BHLHE41: variants seen among roughly 807,000 people sequenced by gnomAD.
The protein encoded by BHLHE41 is basic helix-loop-helix family member e41.
A neutral mutation model predicts 24.0 loss-of-function variants in BHLHE41; 14 were observed. The ratio of observed to expected loss-of-function variants is 0.58; its 90% CI spans 0.39 to 0.91. The LOEUF (loss-of-function observed/expected upper bound fraction) is 0.91. BHLHE41 is among the 40% of genes least tolerant of loss of function. The probability of loss-of-function intolerance (pLI) is 0.00; values close to 1 mark genes in which losing one functional copy is unlikely to be tolerated. For synonymous variants in BHLHE41, 394 were observed against 315.5 expected, an observed-to-expected ratio of 1.25 and a Z score of -2.64; for missense variants, 674 against 655.4, an observed-to-expected ratio of 1.03 and a Z score of -0.31.
Position 26,124,163 on chromosome 12 carries a change from G to A in BHLHE41, c.143C>T (p.Pro48Leu). ...RDDTKDTYKL[P>L]HRLIEKKRRD... ...TCTTTTCTTTTCTATTAATCTGTGCGGTAATTTGTAGGTATCCTTAATATA... is the reference window on the plus strand; with the variant it reads ...TCTTTTCTTTTCTATTAATCTGTGCAGTAATTTGTAGGTATCCTTAATATA... The change falls in exon 3 of 5, where the codon CCG becomes CTG. Residue 48 changes from proline (P) to leucine (L), a missense_variant. By Grantham distance (98) the Pro-to-Leu change is moderately conservative. Coordinates refer to ENST00000242728, the MANE Select transcript of BHLHE41 (RefSeq NM_030762.3). The A allele has an allele frequency of 6.2e-7, 1 of 1,606,266 alleles. No individual in the cohort carries two copies. The highest frequency in any genetic ancestry group is 1.1e-5 in the South Asian group (1 of 90,886).
At position 26,122,314 on chromosome 12, in the gene BHLHE41, C is replaced by T. The variant is rs945140649; in HGVS notation, c.1201G>A (p.Ala401Thr). 2 of 1,165,144 alleles carry T rather than the reference C, an allele frequency of 1.7e-6. No homozygotes were observed. Among genetic ancestry groups the T allele is most frequent in the African/African-American group, 1.7e-5 (1 of 60,462 alleles). 72.2% of individuals were successfully genotyped at this position (1,165,144 alleles called of 1,614,324 possible). A position where few individuals can be genotyped will look rare whatever the true frequency, so the allele number is the denominator to read the frequency against. The change falls in exon 5 of 5, where the codon GCC becomes ACC. Residue 401 changes from alanine (A) to threonine (T), a missense_variant. Around this residue, in one of 3 missense-constraint regions of BHLHE41, gnomAD observed 602 missense variants for 570.8 expected, o/e 1.05. Coordinates refer to ENST00000242728, the MANE Select transcript of BHLHE41 (RefSeq NM_030762.3). ...GCGGCGGCGGCAGCGGCGGCGGCGG[C>T]TGCCGCGGCTGCCGCCGGGGCGGGG... ...GIPAPAAAAA[A>T]AAAAAAAAAA...
chr12:26,121,808 G>A lies in BHLHE41; in HGVS notation c.*258C>T. Reference sequence around the variant, plus strand: ...AAAAGAGCCAGTGTCTTTCGCATAGGATCTTTTACAGCTGGTGGGGGGAAG... The same window carrying A: ...AAAAGAGCCAGTGTCTTTCGCATAGAATCTTTTACAGCTGGTGGGGGGAAG... On this transcript the variant is annotated 3_prime_UTR_variant, in exon 5 of 5. Coordinates refer to ENST00000242728, the MANE Select transcript of BHLHE41 (RefSeq NM_030762.3). 8.7e-6 allele frequency: 7 copies of A among 803,946 alleles called. No homozygotes were observed. Among genetic ancestry groups the A allele is most frequent in the Non-Finnish European group, 8.9e-6 (5 of 562,800 alleles). 49.8% of individuals were successfully genotyped at this position (803,946 alleles called of 1,614,324 possible).
chr12:26,121,749 TAAA>T lies in BHLHE41; in HGVS notation c.*314_*316del, dbSNP rs1284022139. 1 of 401,936 alleles carries T rather than the reference TAAA, an allele frequency of 2.5e-6. No homozygotes were observed. Among genetic ancestry groups the T allele is most frequent in the East Asian group, 6.7e-5 (1 of 14,884 alleles). The allele number at this position is 401,936 out of a possible 1,614,324, so 24.9% of individuals were successfully genotyped here. A position where few individuals can be genotyped will look rare whatever the true frequency, so the allele number is the denominator to read the frequency against. On this transcript the variant is annotated 3_prime_UTR_variant, in exon 5 of 5. Coordinates refer to ENST00000242728, the MANE Select transcript of BHLHE41 (RefSeq NM_030762.3). ...TTTTAAGAGATAATGGAACATGGCC[TAAA>T]AGGGGGCAAAATTTATTTGGGGGAT...
In BHLHE41 at chr12:26,124,963, C is replaced by G; in HGVS notation, c.-184G>C. 3 of 636,696 alleles carry G rather than the reference C, an allele frequency of 4.7e-6. No individual in the cohort carries two copies. The highest frequency in any genetic ancestry group is 8.6e-6 in the Non-Finnish European group (3 of 350,088). 39.4% of individuals were successfully genotyped at this position (636,696 alleles called of 1,614,324 possible). On this transcript the variant is annotated 5_prime_UTR_variant, in exon 1 of 5. Coordinates refer to ENST00000242728, the MANE Select transcript of BHLHE41 (RefSeq NM_030762.3). ...CCCCCCCCTCCACCGCGCTCGCACA[C>G]ACACACGCACACACACGCACACTCG...
chr12:26,122,477 G>A lies in BHLHE41; in HGVS notation c.1038C>T (p.Pro346=). The A allele has an allele frequency of 7.5e-7, 1 of 1,340,874 alleles. No individual in the cohort carries two copies. Among genetic ancestry groups the A allele is most frequent in the Non-Finnish European group, 9.6e-7 (1 of 1,037,002 alleles). The allele number at this position is 1,340,874 out of a possible 1,614,324, so 83.1% of individuals were successfully genotyped here. ...PFPQPAAAAA[P]FCLPFCFLSP... The stretch of plus-strand genomic sequence containing the variant: ...AGAGGAAGCAGAAGGGCAGGCAGAA[G>A]GGGGCCGCGGCGGCCGCGGGCTGCG... The change falls in exon 5 of 5, where the codon CCC becomes CCT. Residue 346 remains proline (P), a synonymous_variant. Coordinates refer to ENST00000242728, the MANE Select transcript of BHLHE41 (RefSeq NM_030762.3).
Position 26,122,756 on chromosome 12 carries a change from C to A in BHLHE41, c.759G>T (p.Glu253Asp). The stretch of plus-strand genomic sequence containing the variant: ...GGCTCGCCCCCGCGCCTTTGCCTTT[C>A]TCGCGGTCCGGCCGGGCCTCGGCTT... Reference protein sequence around the residue: ...GGEAEARPDREKGKGAGASRV... With the variant: ...GGEAEARPDRDKGKGAGASRV... Residue 253 changes from glutamate (E) to aspartate (D), a missense_variant, in exon 5 of 5, where the codon GAG becomes GAT. Glu to Asp is a conservative substitution (Grantham distance 45). Transcript: ENST00000242728. 3 of 1,596,532 alleles carry A rather than the reference C, an allele frequency of 1.9e-6. No individual in the cohort carries two copies. The highest frequency in any genetic ancestry group is 2.5e-6 in the Non-Finnish European group (3 of 1,176,480).
Position 26,121,906 on chromosome 12 carries a change from C to A in BHLHE41, c.*160G>T. ...ACAGGAACTCCGAATGTACACATAA[C>A]ACCTGTTTTGTTGTTCTTGTTTATG... On this transcript the variant is annotated 3_prime_UTR_variant, in exon 5 of 5. Coordinates refer to ENST00000242728, the MANE Select transcript of BHLHE41 (RefSeq NM_030762.3). The A allele has an allele frequency of 6.6e-7, 1 of 1,519,354 alleles. No homozygotes were observed. Among genetic ancestry groups the A allele is most frequent in the Non-Finnish European group, 8.8e-7 (1 of 1,133,156 alleles). The allele number at this position is 1,519,354 out of a possible 1,614,324, so 94.1% of individuals were successfully genotyped here.
chr12:26,124,388 G>T, intron 2 of BHLHE41, 131 bp downstream of exon 2: 1 of 1,032,630 alleles, frequency 9.7e-7, no homozygotes, highest in Non-Finnish European at 1.5e-6. Context: ...TACCCAGCAA[G>T]CCACTTAAAA....
chr12:26,123,257 G>T, intron 4 of BHLHE41, 89 bp from the exon 5 acceptor site: 2 of 1,441,434 alleles, frequency 1.4e-6, no homozygotes, highest in Non-Finnish European at 9.2e-7. Context: ...TATCACGTGG[G>T]CCCTGCATCG....
chr12:26,122,271 A>G lies in BHLHE41; in HGVS notation c.1244T>C (p.Leu415Pro). The G allele has an allele frequency of 8.2e-7, 1 of 1,212,254 alleles. No individual in the cohort carries two copies. Among genetic ancestry groups the G allele is most frequent in the East Asian group, 3.4e-5 (1 of 29,374 alleles). 75.1% of individuals were successfully genotyped at this position (1,212,254 alleles called of 1,614,324 possible). A position where few individuals can be genotyped will look rare whatever the true frequency, so the allele number is the denominator to read the frequency against. ...AAAAAAAFPC[L>P]SSVLSPPPEK... ...GGGAGGGGGCGACAACACCGAGGACAGGCAGGGGAACGCGGCGGCGGCGGC... is the reference window on the plus strand; with the variant it reads ...GGGAGGGGGCGACAACACCGAGGACGGGCAGGGGAACGCGGCGGCGGCGGC... The change falls in exon 5 of 5, where the codon CTG (leucine) becomes CCG (proline). Residue 415 changes from leucine (L) to proline (P), a missense_variant. Around this residue, in one of 3 missense-constraint regions of BHLHE41, gnomAD observed 602 missense variants for 570.8 expected, o/e 1.05. Transcript: ENST00000242728.
intron 3 of BHLHE41, 136 bp downstream of exon 3, chr12:26,123,936 G>A (rs996068612): frequency 2.6e-6 from 2 of 769,062 alleles, no homozygotes; most frequent in African/African-American, 3.5e-5. Flanking sequence ...TCCAGTTTGC[G>A]GGAAACTCTG....
rs1198850402 is a variant in BHLHE41, at chr12:26,123,186, TG to T, written c.347-19del. 1.3e-6 allele frequency: 2 copies of T among 1,564,596 alleles called. No individual in the cohort carries two copies. Among genetic ancestry groups the T allele is most frequent in the Admixed American group, 1.8e-5 (1 of 55,852 alleles). On this transcript the variant is annotated intron_variant, in intron 4 of 4. Coordinates refer to ENST00000242728, the MANE Select transcript of BHLHE41 (RefSeq NM_030762.3). ...TCGCTCCCCTAGGATGAGGAAGGGA[TG>T]GGGGTGGGGGACGGAGGAGTGGAGG...
Position 26,124,511 on chromosome 12 carries a change from A to C in BHLHE41, c.126+8T>G. The C allele has an allele frequency of 2.5e-6, 4 of 1,613,662 alleles. No homozygotes were observed. The South Asian group carries it at 4.4e-5, about 18-fold the overall frequency. ...AGGTTATGAGGAATATCGGGAACTT[A>C]CACTTACCTTGGTGTCGTCTCGTTT... On this transcript the variant is annotated splice_region_variant and intron_variant, in intron 2 of 4. Coordinates refer to ENST00000242728, the MANE Select transcript of BHLHE41 (RefSeq NM_030762.3).
rs1306954687 is a variant in BHLHE41, at chr12:26,122,921, G to A, written c.594C>T (p.Ser198=). The A allele has an allele frequency of 6.5e-7, 1 of 1,550,042 alleles. No homozygotes were observed. Among genetic ancestry groups the A allele is most frequent in the South Asian group, 1.2e-5 (1 of 83,964 alleles). ...KGTGAPSAAG[S]AAAPCLERAG... is the part of the protein sequence containing the mutation. The stretch of plus-strand genomic sequence containing the variant: ...CGCGCTCCAGGCAGGGGGCGGCCGC[G>A]GACCCGGCGGCCGAGGGAGCGCCGG... Residue 198 remains serine, a synonymous_variant, in exon 5 of 5, where the codon TCC becomes TCT. Transcript: ENST00000242728.
chr12:26,123,043 G>A lies in BHLHE41; in HGVS notation c.472C>T (p.Arg158Trp), dbSNP rs781258261. 6.3e-7 allele frequency: 1 copy of A among 1,577,996 alleles called. No homozygotes were observed. Among genetic ancestry groups the A allele is most frequent in the East Asian group, 2.3e-5 (1 of 43,040 alleles). Reference sequence around the variant, plus strand: ...AAGTGGTTGATCAGCTGGACACACCGCGGCTCCCTGGGTGTCCAGCTCTCA... The same window carrying A: ...AAGTGGTTGATCAGCTGGACACACCACGGCTCCCTGGGTGTCCAGCTCTCA... ...RFESWTPREP[R>W]CVQLINHLHA... Residue 158 changes from arginine (R) to tryptophan (W), a missense_variant, in exon 5 of 5, where the codon CGG becomes TGG. Physicochemically the swap from Arg to Trp is moderately radical, Grantham distance 101. This residue lies in a region of BHLHE41 where 602 missense variants were observed against 570.8 expected (regional missense o/e 1.05). Transcript: ENST00000242728.
Position 26,123,700 on chromosome 12 carries a change from A to G in BHLHE41, c.276T>C (p.Thr92=), listed in dbSNP as rs573569200. Residue 92 remains threonine (T), a synonymous_variant, in exon 4 of 5, where the codon ACT becomes ACC. Coordinates refer to ENST00000242728, the MANE Select transcript of BHLHE41 (RefSeq NM_030762.3). ...HLEKAVVLEL[T]LKHLKALTAL... is the part of the protein sequence containing the mutation. Reference sequence around the variant, plus strand: ...CGGTTAAAGCTTTTAAGTGTTTCAAAGTTAATTCCAAGACTACAGCTTTCT... The same window carrying G: ...CGGTTAAAGCTTTTAAGTGTTTCAAGGTTAATTCCAAGACTACAGCTTTCT... The G allele has an allele frequency of 7.4e-6, 12 of 1,614,170 alleles. No individual in the cohort carries two copies. The Admixed American group carries it at 2.0e-4, about 27-fold the overall frequency.
In BHLHE41 at chr12:26,122,248, G is replaced by A; in HGVS notation, c.1267C>T (p.Pro423Ser). 1.6e-6 allele frequency: 2 copies of A among 1,275,060 alleles called. No homozygotes were observed. The highest frequency in any genetic ancestry group is 2.9e-5 in the South Asian group (1 of 35,034). The allele number at this position is 1,275,060 out of a possible 1,614,324, so 79.0% of individuals were successfully genotyped here. A position where few individuals can be genotyped will look rare whatever the true frequency, so the allele number is the denominator to read the frequency against. ...GCGGCGGCGGCGCCCGCCTTCTCGGGAGGGGGCGACAACACCGAGGACAGG... is the reference window on the plus strand; with the variant it reads ...GCGGCGGCGGCGCCCGCCTTCTCGGAAGGGGGCGACAACACCGAGGACAGG... Reference protein sequence around the residue: ...PCLSSVLSPPPEKAGAAAATL... With the variant: ...PCLSSVLSPPSEKAGAAAATL... Residue 423 changes from proline to serine, a missense_variant, in exon 5 of 5, where the codon CCC (proline) becomes TCC (serine). Coordinates refer to ENST00000242728, the MANE Select transcript of BHLHE41 (RefSeq NM_030762.3).
Position 26,122,504 on chromosome 12 carries a change from GA to G in BHLHE41, c.1010del (p.Phe337SerfsTer166). The G allele has an allele frequency of 7.6e-7, 1 of 1,313,222 alleles. No homozygotes were observed. The highest frequency in any genetic ancestry group is 9.8e-7 in the Non-Finnish European group (1 of 1,020,790). The allele number at this position is 1,313,222 out of a possible 1,614,324, so 81.3% of individuals were successfully genotyped here. ...GGGCCGCGGCGGCCGCGGGCTGCGGGAAGGGCGCGCCTCCGCCTCCGCCGAA... is the reference window on the plus strand; with the variant it reads ...GGGCCGCGGCGGCCGCGGGCTGCGGGAGGGCGCGCCTCCGCCTCCGCCGAA... ...VAFGGGGGAP[F>X]PQPAAAAAPF... On this transcript the variant is annotated frameshift_variant, in exon 5 of 5. Coordinates refer to ENST00000242728, the MANE Select transcript of BHLHE41 (RefSeq NM_030762.3). LOFTEE classifies it high-confidence loss of function.
At chr12:26,124,252 T>TGGGGGGGGGGGGGGGGGGGGGGGGG (rs1944341937) in intron 2 of BHLHE41, 73 bp from the exon 3 acceptor site, 4 of 879,652 alleles carry the variant, frequency 4.5e-6, no homozygotes, top group Non-Finnish European at 3.6e-6. Context: ...TACCCTCGTC[T>TGGGGGGGGGGGGGGGGGGGGGGGGG]GCCCCCCCCG....
Sources: gnomAD v4.1 joint callset for allele counts on GRCh38, gnomAD v4.1.1 for gene constraint, gnomAD v4.1.1 regional missense constraint, MANE v1.5 for transcripts, NCBI Gene and HGNC (gene_info 2026-07-23, HGNC 2026-07-21) for gene names.